The following TRRAP variants were observed in gnomAD, a reference collection of about 807,000 sequenced individuals.
The protein encoded by TRRAP is transformation/transcription domain associated protein.
TRRAP carries 41 observed loss-of-function variants against 438.8 expected under a neutral mutation model. That is an observed-to-expected ratio of 0.09 (90% CI 0.07 to 0.12). The LOEUF is 0.12. Among genes scored for constraint, TRRAP ranks in the 10% least tolerant of loss-of-function variants. The probability of loss-of-function intolerance (pLI) is 1.00; values close to 1 mark genes in which losing one functional copy is unlikely to be tolerated. For missense variants in TRRAP, 3,122 were observed against 5,055.1 expected, an observed-to-expected ratio of 0.62 and a Z score of 11.60; for synonymous variants, 1,994 against 1,962.9, an observed-to-expected ratio of 1.02 and a Z score of -0.42.
In TRRAP at chr7:99,011,836, C is replaced by T. The variant is rs772510733; in HGVS notation, c.11338-235C>T. ...CATGGCTGCCTTTGTCATCTAGGTCCGCGCTGCCCAACACTGAGGCCTTCT... is the reference window on the plus strand; with the variant it reads ...CATGGCTGCCTTTGTCATCTAGGTCTGCGCTGCCCAACACTGAGGCCTTCT... On this transcript the variant is annotated intron_variant, in intron 72 of 72. Coordinates refer to ENST00000456197, the MANE Select transcript of TRRAP (RefSeq NM_001375524.1). The surrounding 1 kb of genome is among the most constrained non-coding windows in gnomAD (Gnocchi z 7.1). Among the ~76,000 whole-genome samples, 3 of 152,240 alleles carry T rather than the reference C, an allele frequency of 2.0e-5. No homozygotes were observed. The highest frequency in any genetic ancestry group is 2.9e-5 in the Non-Finnish European group (2 of 68,054).
chr7:98,939,386 T>G (rs1790694832), intron 30 of TRRAP, among the ~76,000 whole-genome samples: 1 of 152,224 alleles, frequency 6.6e-6, no homozygotes, highest in South Asian at 2.1e-4. Context: ...ACACATGGAA[T>G]GTAGAGAAAT....
chr7:99,004,489 G>A, intron 68 of TRRAP, 74 bp downstream of exon 68: 2 of 1,323,096 alleles, frequency 1.5e-6, no homozygotes, highest in Non-Finnish European at 2.1e-6. Context: ...GAGCTCCAGG[G>A]TGGACCCTGT....
At chr7:98,878,945 G>A (rs2116203776) in intron 1 of TRRAP, among the ~76,000 whole-genome samples, 1 of 152,266 alleles carries the variant, frequency 6.6e-6, no homozygotes, top group African/African-American at 2.4e-5. Context: ...GGAGGGAACC[G>A]GAGGGCCGTT....
intron 3 of TRRAP, among the ~76,000 whole-genome samples, chr7:98,884,531 A>G (rs1273095911): frequency 2.6e-5 from 4 of 152,172 alleles, no homozygotes; most frequent in African/African-American, 7.2e-5. Context: ...CACCATGCCC[A>G]GCCGCATCTC....
intron 2 of TRRAP, 28 bp downstream of exon 2, chr7:98,881,278 A>G: frequency 1.3e-6 from 2 of 1,570,702 alleles, no homozygotes; most frequent in Non-Finnish European, 1.7e-6. Context: ...ATCATTAAGA[A>G]ATGCATAAAT....
At chr7:98,903,567 T>C (rs1554407064) in intron 12 of TRRAP, 50 bp downstream of exon 12, 1 of 1,606,814 alleles carries the variant, frequency 6.2e-7, no homozygotes, top group Non-Finnish European at 8.5e-7. Context: ...CCTGTGGCCA[T>C]CTTTGGGGAC....
intron 44 of TRRAP, among the ~76,000 whole-genome samples, chr7:98,958,297 C>A (rs1791721218): frequency 6.6e-6 from 1 of 151,798 alleles, no homozygotes; most frequent in South Asian, 2.1e-4. Context: ...TATAATTGAT[C>A]TAATTTTTTT....
rs757378998 is a variant in TRRAP at position 98,984,979 on chromosome 7, C to T, written c.9324C>T (p.Tyr3108=). ...LEVIESTNLK[Y]FTKEMTAEFY... The stretch of plus-strand genomic sequence containing the variant: ...TTATTGAATCTACAAATTTAAAATA[C>T]TTCACAAAAGAGATGACAGCCGAAT... Residue 3108 remains tyrosine, a synonymous_variant, in exon 62 of 73, where the codon TAC becomes TAT. Transcript: ENST00000456197. The T allele has an allele frequency of 4.3e-6, 7 of 1,613,180 alleles. No homozygotes were observed. Among genetic ancestry groups the T allele is most frequent in the Non-Finnish European group, 5.1e-6 (6 of 1,179,678 alleles).
At chr7:98,937,579 A>G (rs1484360339) in intron 29 of TRRAP, 71 bp from the exon 30 acceptor site, 1 of 1,444,312 alleles carries the variant, frequency 6.9e-7, no homozygotes, top group Non-Finnish European at 9.2e-7. Context: ...CTAAGGTTGA[A>G]GATGAGTTCT....
chr7:99,005,477 GT>G lies in TRRAP; in HGVS notation c.10753+131del. 1 of 857,340 alleles carries G rather than the reference GT, an allele frequency of 1.2e-6. No individual in the cohort carries two copies. Among genetic ancestry groups the G allele is most frequent in the East Asian group, 2.6e-5 (1 of 39,168 alleles). The allele number at this position is 857,340 out of a possible 1,614,324, so 53.1% of individuals were successfully genotyped here. ...GGGTCCAGCTGCGTCAGCAGAGAAT[GT>G]TGTAGTCTGTGCTGACCAGGGAAGG... On this transcript the variant is annotated intron_variant, in intron 69 of 72. Transcript: ENST00000456197. The surrounding 1 kb of genome is among the most constrained non-coding windows in gnomAD (Gnocchi z 5.1).
At chr7:98,936,382 C>A (rs1790558267) in intron 28 of TRRAP, among the ~76,000 whole-genome samples, 1 of 152,174 alleles carries the variant, frequency 6.6e-6, no homozygotes, top group South Asian at 2.1e-4. Flanking sequence ...GGGTGACTGG[C>A]AGCTTTCTTC....
intron 33 of TRRAP, among the ~76,000 whole-genome samples, chr7:98,946,538 A>G (rs1483139050): frequency 6.7e-6 from 1 of 149,160 alleles, no homozygotes; most frequent in African/African-American, 2.5e-5. Flanking sequence ...CTCACAACAT[A>G]CATGCACTCA....
chr7:98,883,096 T>C (rs182447577), intron 3 of TRRAP, among the ~76,000 whole-genome samples: 1 of 152,390 alleles, frequency 6.6e-6, no homozygotes, highest in Admixed American at 6.5e-5. Flanking sequence ...AAGAACTTTC[T>C]CTATTGTGGA....
At chr7:98,987,144 G>A (rs546017997) in intron 62 of TRRAP, among the ~76,000 whole-genome samples, 14 of 152,146 alleles carry the variant, frequency 9.2e-5, no homozygotes, top group African/African-American at 2.4e-4. Context: ...ACAAAAATCC[G>A]TTGACCATTT....
At chr7:98,911,310 A>G (rs782696613) in intron 17 of TRRAP, 39 bp downstream of exon 17, 48 of 1,526,394 alleles carry the variant, frequency 3.1e-5, no homozygotes, top group Middle Eastern at 3.6e-4. Flanking sequence ...GAACATTACA[A>G]TTCTTTGTTT....
At chr7:99,001,971 T>A (rs1793942626) in intron 67 of TRRAP, among the ~76,000 whole-genome samples, 1 of 152,190 alleles carries the variant, frequency 6.6e-6, no homozygotes, top group Non-Finnish European at 1.5e-5. Flanking sequence ...TAATTATTGA[T>A]ACACAGTAAC....
At chr7:98,961,216 T>G in intron 45 of TRRAP, 45 bp from the exon 46 acceptor site, 3 of 1,587,892 alleles carry the variant, frequency 1.9e-6, no homozygotes, top group Non-Finnish European at 2.6e-6. Context: ...TTGTTGTCAT[T>G]GAGTGTTTGT....
chr7:98,978,443 TA>T, intron 57 of TRRAP, 120 bp downstream of exon 57: 1 of 923,030 alleles, frequency 1.1e-6, no homozygotes, highest in Non-Finnish European at 1.7e-6. Context: ...TATGGCCACA[TA>T]AAGAACAAAT....
chr7:98,915,610 A>G (rs1789486646), intron 18 of TRRAP, 113 bp from the exon 19 acceptor site: 1 of 1,332,298 alleles, frequency 7.5e-7, no homozygotes, highest in South Asian at 1.5e-5. Context: ...TTTGGAGTAA[A>G]CACATCAGAA....
Sources: gnomAD v4.1 joint callset for allele counts (sites outside exome capture counted in the v4.1 genomes callset) on GRCh38, gnomAD v4.1.1 for gene constraint, Gnocchi (gnomAD v3.1) non-coding constraint, MANE v1.5 for transcripts, NCBI Gene and HGNC (gene_info 2026-07-23, HGNC 2026-07-21) for gene names.